Variants in SEMA4B observed in about 807,000 individuals in gnomAD.
SEMA4B encodes the protein semaphorin 4B, also known as semaphorin-4B.
A neutral mutation model predicts 88.1 loss-of-function variants in SEMA4B; 55 were observed. That is an observed-to-expected ratio of 0.62 (90% CI 0.50 to 0.78). SEMA4B has a LOEUF of 0.78. SEMA4B is among the 30% of genes least tolerant of loss of function. SEMA4B has a pLI of 0.00. For synonymous variants in SEMA4B, 525 were observed against 473.6 expected (o/e 1.11, Z -1.41); for missense variants, 1,062 against 1,111.9 (o/e 0.96, Z 0.64).
chr15:90,227,293 G>A (rs569617209), intron 12 of SEMA4B: 47 of 418,480 alleles, frequency 1.1e-4, no homozygotes, highest in Admixed American at 2.4e-4. Context: ...GCGATCTACC[G>A]GCCTTGGCCT....
intron 1 of SEMA4B, among the ~76,000 whole-genome samples, chr15:90,186,772 A>G (rs1337977002): frequency 6.6e-6 from 1 of 152,114 alleles, no homozygotes; most frequent in Admixed American, 6.6e-5. Flanking sequence ...TCTCTACTAA[A>G]AATACAAAAA....
In SEMA4B at chr15:90,228,468, C is replaced by G; in HGVS notation, c.2339C>G (p.Thr780Ser). The stretch of plus-strand genomic sequence containing the variant: ...CTCAACGGCCTAGGGCCCCCTAGCA[C>G]CCCGCTCGATCACCGAGGGTACCAG... ...RPLNGLGPPSTPLDHRGYQSL... is the reference protein window; with the variant it reads ...RPLNGLGPPSSPLDHRGYQSL... Residue 780 changes from threonine to serine, a missense_variant, in exon 14 of 14, where the codon ACC becomes AGC. By Grantham distance (58) the Thr-to-Ser change is moderately conservative (BLOSUM62 1). Transcript: ENST00000411539. 6.2e-7 allele frequency: 1 copy of G among 1,610,208 alleles called. No homozygotes were observed. Among genetic ancestry groups the G allele is most frequent in the Non-Finnish European group, 8.5e-7 (1 of 1,178,818 alleles).
At chr15:90,187,627 G>C (rs533993356) in intron 1 of SEMA4B, among the ~76,000 whole-genome samples, 1 of 152,312 alleles carries the variant, frequency 6.6e-6, no homozygotes, top group African/African-American at 2.4e-5. Context: ...CAGGATTCTA[G>C]CCTGGGAGCA....
intron 1 of SEMA4B, 119 bp from the exon 2 acceptor site, chr15:90,217,320 C>T (rs1400241684): frequency 9.9e-7 from 1 of 1,010,368 alleles, no homozygotes; most frequent in Non-Finnish European, 1.4e-6. Context: ...AGCCCCTTGC[C>T]ATTGCCACCC....
Position 90,189,641 on chromosome 15 carries a change from T to A in SEMA4B, c.-122+4560T>A, listed in dbSNP as rs552583128. 3.5e-5 allele frequency among the ~76,000 whole-genome samples: 5 copies of A among 142,158 alleles called. No homozygotes were observed. In the East Asian group the frequency reaches 9.8e-4, roughly 28 times the overall value. 93.3% of individuals were successfully genotyped at this position (142,158 alleles called of 152,430 possible). A position where few individuals can be genotyped will look rare whatever the true frequency, so the allele number is the denominator to read the frequency against. ...TATATAACTATTCCAAACTGAGGTA[T>A]AATTTCTTTTTTTCTGATAAAGGCT... On this transcript the variant is annotated intron_variant, in intron 1 of 14. Transcript: ENST00000332496.
In SEMA4B at chr15:90,207,011, G is replaced by T. The variant is rs946443249; in HGVS notation, c.157+5276G>T. The T allele has an allele frequency of 1.1e-5, 5 of 438,046 alleles. No individual in the cohort carries two copies. In the East Asian group the frequency reaches 2.5e-4, roughly 22 times the overall value. The allele number at this position is 438,046 out of a possible 1,614,324, so 27.1% of individuals were successfully genotyped here. On this transcript the variant is annotated intron_variant, in intron 1 of 13. Coordinates refer to ENST00000411539, the MANE Select transcript of SEMA4B (RefSeq NM_198925.4). ...ACAAAAAAAACAAAAAAAGCCTGGT[G>T]CCCACAGCGGCTCTATACTTATTAG...
At chr15:90,198,031 A>G (rs1426051358), upstream of SEMA4B, among the ~76,000 whole-genome samples, 3 of 149,724 alleles carry the variant, frequency 2.0e-5, no homozygotes, top group African/African-American at 7.4e-5. Flanking sequence ...GGTTCGCGCC[A>G]TTCTCCTGCC....
At position 90,201,534 on chromosome 15, in the gene SEMA4B, C is replaced by G. The variant is rs1596126595; in HGVS notation, c.-45C>G. The G allele has an allele frequency of 5.9e-6, 8 of 1,362,674 alleles. No individual in the cohort carries two copies. The East Asian group carries it at 2.2e-4, about 37-fold the overall frequency. 84.4% of individuals were successfully genotyped at this position (1,362,674 alleles called of 1,614,324 possible). A position where few individuals can be genotyped will look rare whatever the true frequency, so the allele number is the denominator to read the frequency against. ...GCTGCCGCCCGTGAGTCCGGCCGAGCCACCTGAGCCCGAGCCGCGGGACAC... is the reference window on the plus strand; with the variant it reads ...GCTGCCGCCCGTGAGTCCGGCCGAGGCACCTGAGCCCGAGCCGCGGGACAC... On this transcript the variant is annotated 5_prime_UTR_variant, in exon 1 of 14. Coordinates refer to ENST00000411539, the MANE Select transcript of SEMA4B (RefSeq NM_198925.4).
chr15:90,194,327 T>A (rs966579901), intron 1 of SEMA4B, among the ~76,000 whole-genome samples: 2 of 151,762 alleles, frequency 1.3e-5, no homozygotes, highest in Admixed American at 6.6e-5. Context: ...AGGTCAAAAG[T>A]TCGAGACCAG....
intron 4 of SEMA4B, among the ~76,000 whole-genome samples, chr15:90,220,616 GC>G (rs1243057413): frequency 6.6e-6 from 1 of 151,666 alleles, no homozygotes; most frequent in African/African-American, 2.4e-5. Context: ...TGATCCACCC[GC>G]CTCGGCCTCC....
At chr15:90,221,250 G>T in intron 5 of SEMA4B, 117 bp from the exon 6 acceptor site, 1 of 1,162,854 alleles carries the variant, frequency 8.6e-7, no homozygotes, top group Non-Finnish European at 1.3e-6. Flanking sequence ...CCAAGTTCCA[G>T]CTTCCTTCTC....
chr15:90,206,602 A>G (rs1961001864), intron 1 of SEMA4B: 5 of 576,800 alleles, frequency 8.7e-6, no homozygotes, highest in South Asian at 8.2e-5. Context: ...CTGGAGGGGT[A>G]ATGGACATTA....
intron 1 of SEMA4B, among the ~76,000 whole-genome samples, chr15:90,191,529 T>G (rs1044182820): frequency 1.3e-5 from 2 of 152,178 alleles, no homozygotes; most frequent in Non-Finnish European, 2.9e-5. Context: ...GAAGTGCTGT[T>G]CATAGCACTC....
chr15:90,227,444 G>A (rs1162454154), intron 12 of SEMA4B, 113 bp from the exon 13 acceptor site: 1 of 775,766 alleles, frequency 1.3e-6, no homozygotes, highest in East Asian at 2.6e-5. Context: ...TCCTGTGGGT[G>A]GGGAATCAGC....
chr15:90,221,211 GC>G, intron 5 of SEMA4B, 118 bp downstream of exon 5: 1 of 1,099,994 alleles, frequency 9.1e-7, no homozygotes, highest in Non-Finnish European at 1.4e-6. Context: ...GGACAGAATG[GC>G]CAGGGGCTTG....
intron 1 of SEMA4B, among the ~76,000 whole-genome samples, chr15:90,210,714 G>A (rs1040093676): frequency 6.8e-6 from 1 of 148,122 alleles, no homozygotes; most frequent in Non-Finnish European, 1.5e-5. Flanking sequence ...GCTTGAGACT[G>A]GGGGCACAGG....
intron 3 of SEMA4B, 74 bp from the exon 4 acceptor site, chr15:90,219,719 A>AT (rs1555423234): frequency 1.1e-5 from 13 of 1,141,180 alleles, no homozygotes; most frequent in Non-Finnish European, 1.5e-5. Context: ...TGGGTGTGGA[A>AT]GGGGGGGCTC....
At chr15:90,206,661 T>TA in intron 1 of SEMA4B, 1 of 681,478 alleles carries the variant, frequency 1.5e-6, no homozygotes, top group Admixed American at 2.1e-5. Flanking sequence ...CACGATGGCC[T>TA]AGCACATGGA....
Position 90,221,084 on chromosome 15 carries a change from C to A in SEMA4B, c.586C>A (p.Leu196Met). 1 of 1,603,950 alleles carries A rather than the reference C, an allele frequency of 6.2e-7. No individual in the cohort carries two copies. The highest frequency in any genetic ancestry group is 1.1e-5 in the South Asian group (1 of 88,838). ...PFDPNFKSTA[L>M]VVDGELYTGT... ...CGACCCGAATTTCAAGTCCACTGCC[C>A]TGGTGGTTGGTGAGTGTTGAGGGCA... The change falls in exon 5 of 14, where the codon CTG (leucine) becomes ATG (methionine). Residue 196 changes from leucine to methionine, a missense_variant. Coordinates refer to ENST00000411539, the MANE Select transcript of SEMA4B (RefSeq NM_198925.4).
Sources: gnomAD v4.1 joint callset for allele counts (sites outside exome capture counted in the v4.1 genomes callset) on GRCh38, gnomAD v4.1.1 for gene constraint, MANE v1.5 for transcripts, NCBI Gene and HGNC (gene_info 2026-07-23, HGNC 2026-07-21) for gene names.